The following RALYL variants were observed in gnomAD, a reference collection of about 807,000 sequenced individuals.
RALYL encodes the protein RALY RNA binding protein like, also known as RNA-binding Raly-like protein.
RALYL carries 29 observed loss-of-function variants against 35.1 expected under a neutral mutation model. The observed-to-expected ratio is 0.83, with a 90% CI of 0.61 to 1.13. The LOEUF (loss-of-function observed/expected upper bound fraction) is 1.13, where lower values mean the gene tolerates loss of function less well. Among genes scored for constraint, RALYL ranks in the 50% most tolerant of loss-of-function variants. The pLI is 0.00. For missense variants in RALYL, 359 were observed against 360.4 expected (o/e 1.00, Z 0.03); for synonymous variants, 120 against 127.6 (o/e 0.94, Z 0.40).
intron 1 of RALYL, among the ~76,000 whole-genome samples, chr8:84,513,203 A>G (rs1241236288): frequency 6.6e-6 from 1 of 152,064 alleles, no homozygotes; most frequent in African/African-American, 2.4e-5. Context: ...TTTCATCAGT[A>G]GATGTTTTTC....
chr8:84,252,976 T>G (rs16912615), intron 1 of RALYL, among the ~76,000 whole-genome samples: 20,821 of 152,042 alleles, frequency 0.14, 2,000 homozygotes, highest in African/African-American at 0.26. Context: ...CATTTGTAAT[T>G]TATATTGTAG....
At chr8:84,497,370 T>C (rs1343284811) in intron 1 of RALYL, among the ~76,000 whole-genome samples, 2 of 152,146 alleles carry the variant, frequency 1.3e-5, no homozygotes, top group East Asian at 3.9e-4. Context: ...TAACTATGAG[T>C]AACTATGGTT....
intron 4 of RALYL, among the ~76,000 whole-genome samples, chr8:84,841,147 G>A (rs1205502306): frequency 6.6e-6 from 1 of 152,070 alleles, no homozygotes; most frequent in African/African-American, 2.4e-5. Context: ...TGGGCTAAAT[G>A]CTCCAATTAA....
At chr8:84,440,363 G>T (rs2048202649) in intron 1 of RALYL, among the ~76,000 whole-genome samples, 1 of 152,056 alleles carries the variant, frequency 6.6e-6, no homozygotes, top group South Asian at 2.1e-4. Flanking sequence ...ACAGCAAGGG[G>T]CTAAGTTCAA....
chr8:84,448,953 C>A lies in RALYL; in HGVS notation c.-23-80346C>A, dbSNP rs115538727. Reference sequence around the variant, plus strand: ...GAATCTGCAGCCTGATTATAGGTAACTTTTATCCTCAGGTGTCATGTTAAT... The same window carrying A: ...GAATCTGCAGCCTGATTATAGGTAAATTTTATCCTCAGGTGTCATGTTAAT... On this transcript the variant is annotated intron_variant, in intron 1 of 8. Coordinates refer to ENST00000521268, the MANE Select transcript of RALYL (RefSeq NM_173848.7). Among the ~76,000 whole-genome samples, 541 of 152,040 alleles carry A rather than the reference C, an allele frequency of 3.6e-3. 3 individuals carry two copies. Among genetic ancestry groups the A allele is most frequent in the African/African-American group, 0.012 (505 of 41,508 alleles).
At chr8:84,915,412 T>C (rs1233971010) in intron 8 of RALYL, among the ~76,000 whole-genome samples, 1 of 152,084 alleles carries the variant, frequency 6.6e-6, no homozygotes, top group Non-Finnish European at 1.5e-5. Flanking sequence ...GACACTTCAA[T>C]ACCTCTCACA....
At chr8:84,426,522 A>G (rs1403281299) in intron 1 of RALYL, among the ~76,000 whole-genome samples, 2 of 150,004 alleles carry the variant, frequency 1.3e-5, no homozygotes, top group Non-Finnish European at 3.0e-5. Context: ...TTTCCTTTCT[A>G]TGTCTGACTT....
intron 2 of RALYL, among the ~76,000 whole-genome samples, chr8:84,772,108 C>T (rs1815671369): frequency 6.6e-6 from 1 of 151,894 alleles, no homozygotes; most frequent in Non-Finnish European, 1.5e-5. Context: ...AAGAATCAGT[C>T]TTTCCCTCAC....
intron 8 of RALYL, among the ~76,000 whole-genome samples, chr8:84,896,343 A>G (rs1844741434): frequency 6.6e-6 from 1 of 152,182 alleles, no homozygotes. Context: ...GAGTTCTACT[A>G]TAGAGCAAAG....
chr8:84,450,224 A>G (rs1344798758), intron 1 of RALYL, among the ~76,000 whole-genome samples: 1 of 151,956 alleles, frequency 6.6e-6, no homozygotes, highest in Non-Finnish European at 1.5e-5. Flanking sequence ...CAGTTTACAT[A>G]TATATTAGGG....
At chr8:84,645,658 C>T (rs367558545) in intron 2 of RALYL, among the ~76,000 whole-genome samples, 32 of 152,184 alleles carry the variant, frequency 2.1e-4, no homozygotes, top group African/African-American at 7.5e-4. Context: ...TACCCCCAGT[C>T]CTTTGGTCAG....
At chr8:84,450,112 T>G (rs1364317991) in intron 1 of RALYL, among the ~76,000 whole-genome samples, 1 of 151,892 alleles carries the variant, frequency 6.6e-6, no homozygotes, top group Non-Finnish European at 1.5e-5. Context: ...TAATTAAAAT[T>G]TATAGATATT....
At chr8:84,578,167 C>T (rs1422540592) in intron 2 of RALYL, among the ~76,000 whole-genome samples, 1 of 152,240 alleles carries the variant, frequency 6.6e-6, no homozygotes, top group African/African-American at 2.4e-5. Context: ...CAGCCATGCA[C>T]ACTGGCTGCT....
At chr8:84,407,310 C>G (rs1377849859) in intron 1 of RALYL, among the ~76,000 whole-genome samples, 1 of 152,104 alleles carries the variant, frequency 6.6e-6, no homozygotes, top group Non-Finnish European at 1.5e-5. Context: ...CTTTCCTCAT[C>G]ATGGGGAATA....
At chr8:84,470,278 G>T (rs1365909258) in intron 1 of RALYL, among the ~76,000 whole-genome samples, 2 of 152,086 alleles carry the variant, frequency 1.3e-5, no homozygotes, top group African/African-American at 2.4e-5. Flanking sequence ...TTCTCTTAAG[G>T]CCTACACTAT....
At chr8:84,415,218 T>G (rs1168230115) in intron 1 of RALYL, among the ~76,000 whole-genome samples, 1 of 149,032 alleles carries the variant, frequency 6.7e-6, no homozygotes, top group Non-Finnish European at 1.5e-5. Flanking sequence ...TTTTTTTTTT[T>G]GTTTTTTTGT....
At chr8:84,757,498 A>G (rs149930996) in intron 2 of RALYL, among the ~76,000 whole-genome samples, 75 of 152,296 alleles carry the variant, frequency 4.9e-4, no homozygotes, top group African/African-American at 1.4e-3. Flanking sequence ...ATGCTAGTCA[A>G]TATTTAAGCT....
chr8:84,811,809 C>T (rs1825974003), intron 4 of RALYL, among the ~76,000 whole-genome samples: 1 of 152,126 alleles, frequency 6.6e-6, no homozygotes, highest in Non-Finnish European at 1.5e-5. Flanking sequence ...ATTTCTATTG[C>T]TGAGACTTTC....
intron 2 of RALYL, among the ~76,000 whole-genome samples, chr8:84,680,634 G>A (rs1835253157): frequency 6.6e-6 from 1 of 152,180 alleles, no homozygotes; most frequent in Non-Finnish European, 1.5e-5. Flanking sequence ...TCTTTTGGCT[G>A]CATAAATGTC....
Sources: allele counts gnomAD v4.1 joint callset (sites outside exome capture counted in the v4.1 genomes callset), GRCh38; gene constraint gnomAD v4.1.1; transcripts MANE v1.5; gene names NCBI Gene and HGNC (gene_info 2026-07-23, HGNC 2026-07-21).